Variants in FRMD5 observed in about 807,000 individuals in gnomAD.
FRMD5 encodes FERM domain containing 5.
In FRMD5, 20 loss-of-function variants were observed where a neutral mutation model predicts 69.0. That is an observed-to-expected ratio of 0.29 (90% CI 0.20 to 0.42). The LOEUF is 0.42. Among genes scored for constraint, FRMD5 ranks in the 10% least tolerant of loss-of-function variants. The probability of loss-of-function intolerance (pLI) is 1.00; values close to 1 mark genes in which losing one functional copy is unlikely to be tolerated. For synonymous variants in FRMD5, 271 were observed against 260.1 expected, an observed-to-expected ratio of 1.04 and a Z score of -0.40; for missense variants, 595 against 708.6, an observed-to-expected ratio of 0.84 and a Z score of 1.82.
chr15:43,890,536 C>G (rs1212185599), intron 8 of FRMD5, among the ~76,000 whole-genome samples: 1 of 152,166 alleles, frequency 6.6e-6, no homozygotes, highest in Non-Finnish European at 1.5e-5. Flanking sequence ...TATCAAATAG[C>G]CCAGATGTAT....
chr15:44,030,504 G>A (rs993654982), intron 1 of FRMD5, among the ~76,000 whole-genome samples: 5 of 152,152 alleles, frequency 3.3e-5, no homozygotes, highest in Non-Finnish European at 7.4e-5. Flanking sequence ...TGAATAAAGC[G>A]AACAGGGATT....
chr15:44,048,250 C>T (rs1304545727), intron 1 of FRMD5, among the ~76,000 whole-genome samples: 2 of 152,166 alleles, frequency 1.3e-5, no homozygotes, highest in Non-Finnish European at 2.9e-5. Context: ...TTAATTATAG[C>T]CATCCTAATG....
intron 1 of FRMD5, among the ~76,000 whole-genome samples, chr15:44,059,405 C>G (rs1595680169): frequency 6.6e-6 from 1 of 152,074 alleles, no homozygotes; most frequent in Non-Finnish European, 1.5e-5. Flanking sequence ...TTCTCTGGGC[C>G]TTAAACATCT....
At chr15:43,941,495 A>G (rs2089862811) in intron 1 of FRMD5, among the ~76,000 whole-genome samples, 1 of 152,224 alleles carries the variant, frequency 6.6e-6, no homozygotes, top group African/African-American at 2.4e-5. Flanking sequence ...AACCCTGTCA[A>G]TATGTTGTAT....
intron 1 of FRMD5, among the ~76,000 whole-genome samples, chr15:43,965,516 C>G (rs548606805): frequency 6.6e-6 from 1 of 151,724 alleles, no homozygotes; most frequent in South Asian, 2.1e-4. Flanking sequence ...AAGACTGCAC[C>G]TAATTTCCCA....
intron 1 of FRMD5, among the ~76,000 whole-genome samples, chr15:44,136,758 C>G (rs2077192816): frequency 6.6e-6 from 1 of 152,054 alleles, no homozygotes; most frequent in South Asian, 2.1e-4. Context: ...TTGAGACAAC[C>G]TTGCAATCAA....
chr15:43,946,695 A>G (rs564605405), intron 1 of FRMD5, among the ~76,000 whole-genome samples: 2 of 152,284 alleles, frequency 1.3e-5, no homozygotes, highest in Non-Finnish European at 2.9e-5. Flanking sequence ...GTTTAATGAA[A>G]GAGTTCTGCT....
intron 1 of FRMD5, among the ~76,000 whole-genome samples, chr15:43,941,702 T>G (rs2089866342): frequency 6.6e-6 from 1 of 152,130 alleles, no homozygotes; most frequent in South Asian, 2.1e-4. Flanking sequence ...TCTAAGTGCT[T>G]TTTTCAGACT....
intron 7 of FRMD5, among the ~76,000 whole-genome samples, chr15:43,897,367 A>G (rs2088935539): frequency 6.6e-6 from 1 of 151,678 alleles, no homozygotes; most frequent in African/African-American, 2.4e-5. Context: ...TGCACCTGTA[A>G]TCTCAGCTAC....
intron 1 of FRMD5, among the ~76,000 whole-genome samples, chr15:44,027,854 C>A (rs966130371): frequency 6.6e-6 from 1 of 151,970 alleles, no homozygotes; most frequent in Non-Finnish European, 1.5e-5. Context: ...CTGTGTTAGC[C>A]AGAATGGTCT....
chr15:43,933,253 G>A (rs1425940750), intron 1 of FRMD5, among the ~76,000 whole-genome samples: 1 of 152,188 alleles, frequency 6.6e-6, no homozygotes, highest in Non-Finnish European at 1.5e-5. Flanking sequence ...AAGAGGAGAA[G>A]GAGGCAAGAT....
chr15:43,947,678 AC>A (rs2140502859), intron 1 of FRMD5, among the ~76,000 whole-genome samples: 1 of 152,312 alleles, frequency 6.6e-6, no homozygotes, highest in East Asian at 1.9e-4. Flanking sequence ...GAGGAATGCC[AC>A]ACCCAGGGAG....
chr15:44,105,418 C>T (rs1336120349), intron 1 of FRMD5, among the ~76,000 whole-genome samples: 1 of 152,136 alleles, frequency 6.6e-6, no homozygotes, highest in African/African-American at 2.4e-5. Context: ...TTCTTTAAAA[C>T]ACCTGTGCTA....
At chr15:44,025,727 G>A (rs1167745060) in intron 1 of FRMD5, among the ~76,000 whole-genome samples, 1 of 152,152 alleles carries the variant, frequency 6.6e-6, no homozygotes, top group East Asian at 1.9e-4. Flanking sequence ...AATATGAATA[G>A]TATACAGAAA....
intron 8 of FRMD5, 92 bp downstream of exon 8, chr15:43,891,889 A>G: frequency 1.9e-6 from 2 of 1,027,140 alleles, no homozygotes; most frequent in East Asian, 2.5e-5. Context: ...CTGAACCAGA[A>G]CTGCCCAATC....
intron 1 of FRMD5, among the ~76,000 whole-genome samples, chr15:43,941,443 T>C (rs944341173): frequency 6.6e-6 from 1 of 152,160 alleles, no homozygotes; most frequent in South Asian, 2.1e-4. Flanking sequence ...TTAAAGCAAG[T>C]TTTAGATGCT....
chr15:43,898,698 A>G (rs560457151), intron 7 of FRMD5, among the ~76,000 whole-genome samples: 2 of 152,338 alleles, frequency 1.3e-5, no homozygotes, highest in African/African-American at 4.8e-5. Flanking sequence ...GAACAGATAT[A>G]GCAATGGACT....
At chr15:44,084,434 A>G (rs1383758125) in intron 1 of FRMD5, among the ~76,000 whole-genome samples, 1 of 152,038 alleles carries the variant, frequency 6.6e-6, no homozygotes, top group Non-Finnish European at 1.5e-5. Context: ...ATTGTTGGAG[A>G]GTTTTATGAA....
chr15:44,016,195 T>C (rs771642508), intron 1 of FRMD5, among the ~76,000 whole-genome samples: 47 of 152,174 alleles, frequency 3.1e-4, no homozygotes, highest in Non-Finnish European at 5.4e-4. Flanking sequence ...TGACAAAATG[T>C]GGCAGATCTG....
Sources: gnomAD v4.1 joint callset for allele counts (sites outside exome capture counted in the v4.1 genomes callset) on GRCh38, gnomAD v4.1.1 for gene constraint, MANE v1.5 for transcripts, NCBI Gene and HGNC (gene_info 2026-07-23, HGNC 2026-07-21) for gene names.